RASSF4: variants seen among roughly 807,000 people sequenced by gnomAD.
RASSF4 encodes the protein Ras association domain family member 4.
RASSF4 carries 38 observed loss-of-function variants against 41.1 expected under a neutral mutation model. The ratio of observed to expected loss-of-function variants is 0.92; its 90% confidence interval spans 0.71 to 1.21. The LOEUF (loss-of-function observed/expected upper bound fraction) is 1.21. RASSF4 is among the 50% of genes most tolerant of loss of function. The pLI, the probability that RASSF4 is intolerant of heterozygous loss-of-function variation, is 0.00. For missense variants in RASSF4, 414 were observed against 419.4 expected (o/e 0.99, Z 0.11); for synonymous variants, 179 against 163.4 (o/e 1.10, Z -0.73).
At chr10:44,977,567 G>A in intron 3 of RASSF4, 1 of 1,613,510 alleles carries the variant, frequency 6.2e-7, no homozygotes, top group Non-Finnish European at 8.5e-7. Flanking sequence ...AGGCATCCTG[G>A]CTTCACAGAG....
At chr10:44,962,597 G>A (rs558251148) in intron 1 of RASSF4, among the ~76,000 whole-genome samples, 118 of 152,322 alleles carry the variant, frequency 7.7e-4, no homozygotes, top group Admixed American at 1.4e-3. Flanking sequence ...GCAGCAGCAG[G>A]CACCCAGAGG....
Position 44,970,064 on chromosome 10 carries a change from C to T in RASSF4, c.-38-101C>T, listed in dbSNP as rs1841083447. 5.5e-6 allele frequency: 4 copies of T among 733,784 alleles called. No homozygotes were observed. In the East Asian group the frequency reaches 7.5e-5, roughly 14 times the overall value. 45.5% of individuals were successfully genotyped at this position (733,784 alleles called of 1,614,324 possible). ...ACCTTGTGCCAAGGCGGTGTGATGC[C>T]AAGGCCGACGGTGTCTGTGCCAGGG... is the stretch of plus-strand genomic sequence containing the variant. On this transcript the variant is annotated intron_variant, in intron 1 of 10. Coordinates refer to ENST00000340258, the MANE Select transcript of RASSF4 (RefSeq NM_032023.4).
intron 1 of RASSF4, among the ~76,000 whole-genome samples, chr10:44,960,773 A>T (rs1840680722): frequency 6.6e-6 from 1 of 152,236 alleles, no homozygotes; most frequent in African/African-American, 2.4e-5. Context: ...CTGGAATTTG[A>T]ACCCAAGCAG....
intron 6 of RASSF4, among the ~76,000 whole-genome samples, 179 bp downstream of exon 6, chr10:44,985,149 C>T (rs1841873218): frequency 6.6e-6 from 1 of 152,250 alleles, no homozygotes; most frequent in Admixed American, 6.5e-5. Context: ...AGCACATGCT[C>T]ACTGTCAGTG....
chr10:44,971,808 G>T lies in RASSF4; in HGVS notation c.98G>T (p.Cys33Phe), dbSNP rs1338111128. 1 of 1,613,736 alleles carries T rather than the reference G, an allele frequency of 6.2e-7. No homozygotes were observed. The highest frequency in any genetic ancestry group is 8.5e-7 in the Non-Finnish European group (1 of 1,179,712). The change falls in exon 3 of 11, where the codon TGC (cysteine) becomes TTC (phenylalanine). Residue 33 changes from cysteine to phenylalanine, a missense_variant. Physicochemically the swap from Cys to Phe is radical, Grantham distance 205. Transcript: ENST00000340258. ...ELLGLLKTYN[C>F]YHEGKSFQLR... ...TTAGGCCTGCTGAAAACCTACAACT[G>T]CTACCATGAGGGCAAGAGCTTCCAG... is the stretch of plus-strand genomic sequence containing the variant.
chr10:44,974,012 C>G (rs886785942), intron 3 of RASSF4, among the ~76,000 whole-genome samples: 1 of 8,582 alleles, frequency 1.2e-4, no homozygotes. Context: ...CCCAGGGTAC[C>G]GGTACCGGCC....
At position 44,984,315 on chromosome 10, in the gene RASSF4, G is replaced by C. The variant is rs1841834916; in HGVS notation, c.373+202G>C. 17 of 596,542 alleles carry C rather than the reference G, an allele frequency of 2.8e-5. No individual in the cohort carries two copies. In the South Asian group the frequency reaches 3.5e-4, roughly 12 times the overall value. 37.0% of individuals were successfully genotyped at this position (596,542 alleles called of 1,614,324 possible). On this transcript the variant is annotated intron_variant, in intron 5 of 10. Transcript: ENST00000340258. Reference sequence around the variant, plus strand: ...TCCTTTTTATGGAAAAGTGAGCAGAGGCTTGGGAGGTGACAGTGACAGTGT... The same window carrying C: ...TCCTTTTTATGGAAAAGTGAGCAGACGCTTGGGAGGTGACAGTGACAGTGT...
chr10:44,984,976 G>A lies in RASSF4; in HGVS notation c.531+6G>A. The A allele has an allele frequency of 1.9e-6, 3 of 1,607,630 alleles. No individual in the cohort carries two copies. The highest frequency in any genetic ancestry group is 2.2e-5 in the South Asian group (2 of 91,030). On this transcript the variant is annotated splice_donor_region_variant and intron_variant, in intron 6 of 10. Coordinates refer to ENST00000340258, the MANE Select transcript of RASSF4 (RefSeq NM_032023.4). Reference sequence around the variant, plus strand: ...GCCACTTCTACAATCATAAGGTGATGCCCCAGCCTGGCCTCTCCCCTGGGC... The same window carrying A: ...GCCACTTCTACAATCATAAGGTGATACCCCAGCCTGGCCTCTCCCCTGGGC...
At chr10:44,977,550 A>T (rs1363954607) in intron 3 of RASSF4, 1 of 1,613,458 alleles carries the variant, frequency 6.2e-7, no homozygotes. Context: ...CTTGCCAGGG[A>T]ATGCCCAGGC....
At chr10:44,982,497 G>A (rs748946485) in intron 3 of RASSF4, 24 bp from the exon 4 acceptor site, 117 of 1,608,660 alleles carry the variant, frequency 7.3e-5, no homozygotes, top group Non-Finnish European at 8.8e-5. Flanking sequence ...TCTGGGGGAA[G>A]GGCTGATGTG....
intron 3 of RASSF4, among the ~76,000 whole-genome samples, chr10:44,975,357 A>G (rs1416853075): frequency 6.6e-6 from 1 of 151,456 alleles, no homozygotes; most frequent in Non-Finnish European, 1.5e-5. Flanking sequence ...GGGAGCCGCA[A>G]AGCGCTTCCC....
Position 44,984,022 on chromosome 10 carries a change from A to G in RASSF4, c.282A>G (p.Leu94=). The part of the protein sequence containing the change: ...SWMPRRPSCP[L]KEPSPQNGNI... Reference sequence around the variant, plus strand: ...CAGCCCTGCAGTTGTCTGTTTTCAGAAAGGAGCCATCGCCCCAGAACGGGA... The same window carrying G: ...CAGCCCTGCAGTTGTCTGTTTTCAGGAAGGAGCCATCGCCCCAGAACGGGA... The change falls in exon 5 of 11, where the codon CTA becomes CTG. Residue 94 remains leucine, a splice_region_variant and synonymous_variant. Transcript: ENST00000340258. 1.3e-6 allele frequency: 2 copies of G among 1,596,020 alleles called. No individual in the cohort carries two copies. The highest frequency in any genetic ancestry group is 1.7e-6 in the Non-Finnish European group (2 of 1,171,460).
At chr10:44,977,928 G>C in intron 3 of RASSF4, 1 of 1,612,692 alleles carries the variant, frequency 6.2e-7, no homozygotes, top group Non-Finnish European at 8.5e-7. Flanking sequence ...TCCAGGCTAG[G>C]AGAGGGTGGG....
chr10:44,961,589 A>T (rs1237558764), intron 1 of RASSF4, among the ~76,000 whole-genome samples: 1 of 152,238 alleles, frequency 6.6e-6, no homozygotes, highest in African/African-American at 2.4e-5. Flanking sequence ...CAGTCTCTCC[A>T]GAGCCCCCAA....
At chr10:44,968,369 G>C (rs984154270) in intron 1 of RASSF4, among the ~76,000 whole-genome samples, 1 of 152,184 alleles carries the variant, frequency 6.6e-6, no homozygotes, top group Non-Finnish European at 1.5e-5. Flanking sequence ...CAAGAAAAAT[G>C]CAGCAATAAG....
At chr10:44,992,042 T>A in intron 10 of RASSF4, 40 bp downstream of exon 10, 1 of 1,340,530 alleles carries the variant, frequency 7.5e-7, no homozygotes, top group Middle Eastern at 1.8e-4. Flanking sequence ...GTCCTGAACA[T>A]CAGGGCAGGT....
intron 6 of RASSF4, among the ~76,000 whole-genome samples, chr10:44,985,293 A>T (rs576979559): frequency 6.6e-6 from 1 of 151,980 alleles, no homozygotes; most frequent in Non-Finnish European, 1.5e-5. Context: ...GATCCCTGGG[A>T]ACACTGTGTA....
At position 44,971,759 on chromosome 10, in the gene RASSF4, C is replaced by G. The variant is rs751905357; in HGVS notation, c.63-14C>G. ...CCACACCCTAGGAGTACATGTGTGT[C>G]TTTCCCTTTTTAGGTCGGAGCTCTT... On this transcript the variant is annotated splice_polypyrimidine_tract_variant and intron_variant, in intron 2 of 10. Transcript: ENST00000340258. 6.2e-7 allele frequency: 1 copy of G among 1,611,114 alleles called. No homozygotes were observed. Among genetic ancestry groups the G allele is most frequent in the African/African-American group, 1.3e-5 (1 of 74,866 alleles).
intron 2 of RASSF4, chr10:44,971,443 C>A: frequency 1.9e-6 from 1 of 525,460 alleles, no homozygotes; most frequent in Non-Finnish European, 3.7e-6. Context: ...TGTGAGGAAG[C>A]AACGCAGGTG....
Sources: allele counts gnomAD v4.1 joint callset (sites outside exome capture counted in the v4.1 genomes callset), GRCh38; gene constraint gnomAD v4.1.1; transcripts MANE v1.5; gene names NCBI Gene and HGNC (gene_info 2026-07-23, HGNC 2026-07-21).